Variants in TEP1 observed in about 807,000 individuals in gnomAD.
TEP1 encodes telomerase protein component 1.
TEP1 carries 241 observed loss-of-function variants against 306.3 expected under a neutral mutation model. That is an observed-to-expected ratio of 0.79 (90% CI 0.71 to 0.88). The LOEUF is 0.88. Ranked by LOEUF, TEP1 falls within the 40% of genes least tolerant of loss-of-function variation. The pLI is 0.00. For missense variants in TEP1, 3,051 were observed against 3,276.1 expected, an observed-to-expected ratio of 0.93 and a Z score of 1.68; for synonymous variants, 1,289 against 1,305.5, an observed-to-expected ratio of 0.99 and a Z score of 0.27.
At chr14:20,407,305 G>A (rs1236155409) in intron 2 of TEP1, among the ~76,000 whole-genome samples, 1 of 152,152 alleles carries the variant, frequency 6.6e-6, no homozygotes, top group Non-Finnish European at 1.5e-5. Context: ...ACATTAAGCT[G>A]GCTCACCTGA....
Position 20,387,915 on chromosome 14 carries a change from A to G in TEP1, c.2674T>C (p.Ser892Pro), listed in dbSNP as rs755897182. 1.9e-6 allele frequency: 3 copies of G among 1,605,026 alleles called. No individual in the cohort carries two copies. The highest frequency in any genetic ancestry group is 2.5e-6 in the Non-Finnish European group (3 of 1,177,186). Residue 892 changes from serine (S) to proline (P), a missense_variant, in exon 18 of 55, where the codon TCC becomes CCC. Physicochemically the swap from Ser to Pro is moderately conservative, Grantham distance 74. Transcript: ENST00000262715. The stretch of plus-strand genomic sequence containing the variant: ...GAAACACAGACTGACCCTTGCTGGG[A>G]AACAGGAGCCAAGGGGCTTGGAGTG... Reference protein sequence around the residue: ...EDTPSPLAPVSQQGWRSIRLF... With the variant: ...EDTPSPLAPVPQQGWRSIRLF...
intron 21 of TEP1, 72 bp from the exon 22 acceptor site, chr14:20,384,785 C>A: frequency 6.6e-7 from 1 of 1,518,788 alleles, no homozygotes; most frequent in Non-Finnish European, 9.0e-7. Context: ...AACCACCAGA[C>A]ATAGCTGTAA....
intron 6 of TEP1, 129 bp downstream of exon 6, chr14:20,403,594 A>G: frequency 6.3e-7 from 1 of 1,585,298 alleles, no homozygotes; most frequent in Non-Finnish European, 8.6e-7. Context: ...CATGAGCTCT[A>G]CCCAGCTCCC....
intron 12 of TEP1, 139 bp from the exon 13 acceptor site, chr14:20,391,906 C>A: frequency 1.2e-6 from 1 of 861,148 alleles, no homozygotes; most frequent in South Asian, 1.7e-5. Context: ...ACAGCCCACT[C>A]CATTTCTGGT....
In TEP1 at chr14:20,382,287, C is replaced by G; in HGVS notation, c.4210G>C (p.Glu1404Gln). The G allele has an allele frequency of 6.2e-7, 1 of 1,614,100 alleles. No homozygotes were observed. The highest frequency in any genetic ancestry group is 8.5e-7 in the Non-Finnish European group (1 of 1,179,996). The change falls in exon 29 of 55, where the codon GAG becomes CAG. Residue 1404 changes from glutamate (E) to glutamine (Q), a missense_variant. Around this residue, in one of 3 missense-constraint regions of TEP1, gnomAD observed 1,540 missense variants for 1,705.9 expected, o/e 0.90. Transcript: ENST00000262715. The part of the protein sequence containing the change: ...LLLQHILSTL[E>Q]KEHGPDVLPQ... Reference sequence around the variant, plus strand: ...AGGACATCAGGCCCGTGCTCCTTCTCCAGTGTGCTCAGGATGTGCTGCAGC... The same window carrying G: ...AGGACATCAGGCCCGTGCTCCTTCTGCAGTGTGCTCAGGATGTGCTGCAGC...
At position 20,383,751 on chromosome 14, in the gene TEP1, G is replaced by A; in HGVS notation, c.3702C>T (p.Ser1234=). The part of the protein sequence containing the change: ...GQLKEPGALP[S]TYRSLVWELQ... Reference sequence around the variant, plus strand: ...CATTGGGGGATACCCACCGGTAGGTGCTGGGGAGGGCACCTGGCTCTTTTA... The same window carrying A: ...CATTGGGGGATACCCACCGGTAGGTACTGGGGAGGGCACCTGGCTCTTTTA... The change falls in exon 25 of 55, where the codon AGC becomes AGT. Residue 1234 remains serine, a synonymous_variant. Coordinates refer to ENST00000262715, the MANE Select transcript of TEP1 (RefSeq NM_007110.5). The A allele has an allele frequency of 1.2e-6, 2 of 1,611,422 alleles. No individual in the cohort carries two copies. Among genetic ancestry groups the A allele is most frequent in the Non-Finnish European group, 1.7e-6 (2 of 1,179,202 alleles).
intron 51 of TEP1, 50 bp from the exon 52 acceptor site, chr14:20,369,829 G>T: frequency 6.9e-7 from 1 of 1,454,318 alleles, no homozygotes. Context: ...GAGTCAACTT[G>T]TACCAGACAA....
At position 20,384,374 on chromosome 14, in the gene TEP1, C is replaced by T. The variant is rs541873167; in HGVS notation, c.3339+17G>A. ...ATGTCCCTCTCCATGCCTCTGGTCA[C>T]CAGTGCTTCTGCTGACCTGCAGGTA... On this transcript the variant is annotated intron_variant, in intron 23 of 54. Coordinates refer to ENST00000262715, the MANE Select transcript of TEP1 (RefSeq NM_007110.5). 2.5e-6 allele frequency: 4 copies of T among 1,612,926 alleles called. No individual in the cohort carries two copies. The highest frequency in any genetic ancestry group is 1.3e-5 in the African/African-American group (1 of 75,026).
In TEP1 at chr14:20,380,325, C is replaced by T. The variant is rs2139045680; in HGVS notation, c.4913G>A (p.Cys1638Tyr). The change falls in exon 34 of 55, where the codon TGC becomes TAC. Residue 1638 changes from cysteine to tyrosine, a missense_variant. Transcript: ENST00000262715. ...AANQPLDSPL[C>Y]HQASLLSRRW... ...CCGGGAGAGCAGCGAGGCTTGGTGG[C>T]AAAGAGGTGAGTCCAGGGGCTGGTT... is the stretch of plus-strand genomic sequence containing the variant. 1 of 1,614,112 alleles carries T rather than the reference C, an allele frequency of 6.2e-7. No individual in the cohort carries two copies. The highest frequency in any genetic ancestry group is 1.3e-5 in the African/African-American group (1 of 75,014).
chr14:20,392,888 TA>T (rs1877838888), intron 12 of TEP1, among the ~76,000 whole-genome samples: 1 of 152,140 alleles, frequency 6.6e-6, no homozygotes, highest in Non-Finnish European at 1.5e-5. Flanking sequence ...GTTTTAAAAA[TA>T]TCTTCAAAAG....
In TEP1 at chr14:20,386,528, G is replaced by A. The variant is rs780121674; in HGVS notation, c.2780C>T (p.Ala927Val). 2.5e-6 allele frequency: 4 copies of A among 1,613,160 alleles called. No individual in the cohort carries two copies. The highest frequency in any genetic ancestry group is 2.5e-6 in the Non-Finnish European group (3 of 1,179,542). ...LLRSVLPALQ[A>V]RAAPHRISLH... ...GCTGATACGGTGAGGGGCCGCTCGG[G>A]CCTGCAGTGCTGGCAGCACAGACCT... The change falls in exon 19 of 55, where the codon GCC (alanine) becomes GTC (valine). Residue 927 changes from alanine (A) to valine (V), a missense_variant. By Grantham distance (64) the Ala-to-Val change is moderately conservative. Transcript: ENST00000262715.
At chr14:20,405,385 C>T in intron 4 of TEP1, 66 bp downstream of exon 4, 1 of 1,372,872 alleles carries the variant, frequency 7.3e-7, no homozygotes, top group Non-Finnish European at 9.9e-7. Context: ...CACCCCGCCA[C>T]ACACCATAAC....
intron 2 of TEP1, 109 bp from the exon 3 acceptor site, chr14:20,406,509 A>G (rs1424845846): frequency 5.5e-6 from 6 of 1,091,632 alleles, no homozygotes; most frequent in Admixed American, 3.8e-5. Context: ...ATCTCCATTA[A>G]TAGCACCTCT....
intron 10 of TEP1, 107 bp downstream of exon 10, chr14:20,396,514 G>T: frequency 5.9e-6 from 5 of 854,232 alleles, no homozygotes; most frequent in Non-Finnish European, 9.1e-6. Context: ...CTTGAGGGCC[G>T]TACCTGCCTC....
chr14:20,400,897 C>G, intron 9 of TEP1, 87 bp downstream of exon 9: 1 of 1,509,202 alleles, frequency 6.6e-7, no homozygotes, highest in East Asian at 2.3e-5. Context: ...CTTCATCATT[C>G]CACAGAAATC....
At chr14:20,371,088 G>C (rs1884802992) in intron 51 of TEP1, 130 bp downstream of exon 51, 6 of 735,154 alleles carry the variant, frequency 8.2e-6, no homozygotes, top group South Asian at 6.8e-5. Flanking sequence ...AACTGCTCCA[G>C]TTGAAGGAGG....
intron 7 of TEP1, among the ~76,000 whole-genome samples, chr14:20,402,271 G>T (rs1036977008): frequency 6.6e-6 from 1 of 152,172 alleles, no homozygotes. Context: ...CAGCACCACT[G>T]CACTCCAGCC....
At chr14:20,390,539 G>T in intron 15 of TEP1, 142 bp downstream of exon 15, 2 of 752,742 alleles carry the variant, frequency 2.7e-6, no homozygotes, top group Non-Finnish European at 4.4e-6. Flanking sequence ...CACACCACTG[G>T]GTAGGGGGTT....
At chr14:20,374,915 C>A (rs1885081842) in intron 43 of TEP1, among the ~76,000 whole-genome samples, 1 of 151,952 alleles carries the variant, frequency 6.6e-6, no homozygotes, top group African/African-American at 2.4e-5. Flanking sequence ...CATGAGGAAA[C>A]CCCATCTCTA....
Sources: gnomAD v4.1 joint callset for allele counts (sites outside exome capture counted in the v4.1 genomes callset) on GRCh38, gnomAD v4.1.1 for gene constraint, gnomAD v4.1.1 regional missense constraint, MANE v1.5 for transcripts, NCBI Gene and HGNC (gene_info 2026-07-23, HGNC 2026-07-21) for gene names.